FAM168A: variants seen among roughly 807,000 people sequenced by gnomAD.
FAM168A encodes the protein family with sequence similarity 168 member A.
A neutral mutation model predicts 28.5 loss-of-function variants in FAM168A; 3 were observed. That is an observed-to-expected ratio of 0.11 (90% confidence interval 0.05 to 0.27). FAM168A has a LOEUF of 0.27. Ranked by LOEUF, FAM168A falls within the 10% of genes least tolerant of loss-of-function variation. FAM168A has a pLI of 1.00. For synonymous variants in FAM168A, 122 were observed against 124.2 expected (o/e 0.98, Z 0.12); for missense variants, 222 against 311.5 (o/e 0.71, Z 2.16).
intron 1 of FAM168A, chr11:73,510,840 A>G (rs996334621): frequency 5.7e-6 from 2 of 348,684 alleles, no homozygotes; most frequent in Admixed American, 4.8e-5. Context: ...GCCTAATGTA[A>G]TCAGAAACAA....
chr11:73,464,434 G>A (rs930485566), intron 2 of FAM168A, among the ~76,000 whole-genome samples: 1 of 151,874 alleles, frequency 6.6e-6, no homozygotes, highest in Non-Finnish European at 1.5e-5. Context: ...TTTTGTTACT[G>A]TATTTGTAGC....
At chr11:73,557,258 T>C (rs1328467489) in intron 1 of FAM168A, among the ~76,000 whole-genome samples, 2 of 152,174 alleles carry the variant, frequency 1.3e-5, no homozygotes, top group African/African-American at 4.8e-5. Context: ...CAAACACTAT[T>C]ATTCTACTCA....
intron 1 of FAM168A, among the ~76,000 whole-genome samples, chr11:73,563,289 T>G (rs1350551268): frequency 1.3e-5 from 2 of 152,234 alleles, no homozygotes; most frequent in Non-Finnish European, 2.9e-5. Context: ...CTCTCCCGTT[T>G]GTTAGCTAAG....
chr11:73,568,136 T>C (rs1944043713), intron 1 of FAM168A, among the ~76,000 whole-genome samples: 1 of 152,284 alleles, frequency 6.6e-6, no homozygotes, highest in African/African-American at 2.4e-5. Flanking sequence ...TGAGTATATA[T>C]GCACATGCAC....
At chr11:73,586,670 T>C (rs1944316975) in intron 1 of FAM168A, among the ~76,000 whole-genome samples, 1 of 152,234 alleles carries the variant, frequency 6.6e-6, no homozygotes, top group Non-Finnish European at 1.5e-5. Context: ...CTCTGTCCAA[T>C]CACAGTGAAA....
intron 1 of FAM168A, among the ~76,000 whole-genome samples, chr11:73,514,314 C>A (rs917174449): frequency 6.6e-6 from 1 of 152,072 alleles, no homozygotes; most frequent in Admixed American, 6.5e-5. Flanking sequence ...AATATATAAA[C>A]GCACCTGGCA....
intron 1 of FAM168A, among the ~76,000 whole-genome samples, chr11:73,499,701 AAC>A (rs1260822694): frequency 6.6e-6 from 1 of 152,140 alleles, no homozygotes; most frequent in Non-Finnish European, 1.5e-5. Context: ...GGAGCTGAAA[AAC>A]ACAGCACAAG....
chr11:73,574,444 C>G (rs892287641), intron 1 of FAM168A, among the ~76,000 whole-genome samples: 11 of 152,180 alleles, frequency 7.2e-5, no homozygotes, highest in African/African-American at 2.4e-4. Flanking sequence ...AAAAATACAT[C>G]ATCTATCTAA....
rs1182240331 is a variant in FAM168A at position 73,513,691 on chromosome 11, T to C, written c.-18-45199A>G. ...CAGAGTCACCTGACCTGCACTGGAA[T>C]TCATAAGCAAGAATTCAACAAATCG... is the stretch of plus-strand genomic sequence containing the variant. On this transcript the variant is annotated intron_variant, in intron 1 of 7. Transcript: ENST00000356467. Among the ~76,000 whole-genome samples the C allele has an allele frequency of 2.0e-5, 3 of 152,070 alleles. No homozygotes were observed. The East Asian group carries it at 5.8e-4, about 29-fold the overall frequency.
chr11:73,564,104 C>T (rs1321115151), intron 1 of FAM168A, among the ~76,000 whole-genome samples: 3 of 152,180 alleles, frequency 2.0e-5, no homozygotes, highest in Non-Finnish European at 4.4e-5. Flanking sequence ...AGAAGGTCTT[C>T]TATAGCGGCT....
intron 1 of FAM168A, among the ~76,000 whole-genome samples, chr11:73,489,494 C>A (rs1475079867): frequency 1.3e-5 from 2 of 151,206 alleles, no homozygotes; most frequent in African/African-American, 4.9e-5. Context: ...TTCTCTCCCC[C>A]ACACCCCATC....
At chr11:73,508,117 G>A (rs999303462) in intron 1 of FAM168A, among the ~76,000 whole-genome samples, 4 of 152,146 alleles carry the variant, frequency 2.6e-5, no homozygotes, top group African/African-American at 9.7e-5. Flanking sequence ...TACAGCTGAT[G>A]TAAGAGTTAA....
chr11:73,497,037 C>T (rs147498953), intron 1 of FAM168A, among the ~76,000 whole-genome samples: 129 of 152,340 alleles, frequency 8.5e-4, no homozygotes, highest in Non-Finnish European at 1.6e-3. Context: ...AGAAAACACT[C>T]GCTTCAAAAT....
intron 1 of FAM168A, among the ~76,000 whole-genome samples, chr11:73,500,092 T>C (rs1248474446): frequency 6.6e-6 from 1 of 151,982 alleles, no homozygotes; most frequent in Non-Finnish European, 1.5e-5. Flanking sequence ...AAGGTCACAA[T>C]GAAGGAAAAA....
intron 1 of FAM168A, among the ~76,000 whole-genome samples, chr11:73,471,179 A>G (rs752117978): frequency 6.6e-6 from 1 of 152,190 alleles, no homozygotes; most frequent in Non-Finnish European, 1.5e-5. Context: ...TATACTGTAA[A>G]TAGTTTCAGG....
intron 2 of FAM168A, among the ~76,000 whole-genome samples, chr11:73,451,848 GA>G (rs1565251116): frequency 6.6e-6 from 1 of 152,218 alleles, no homozygotes; most frequent in African/African-American, 2.4e-5. Flanking sequence ...AATAGTCCAT[GA>G]GTGTAAGTTA....
intron 1 of FAM168A, among the ~76,000 whole-genome samples, chr11:73,517,661 A>G (rs1489649828): frequency 2.0e-5 from 3 of 152,184 alleles, no homozygotes; most frequent in East Asian, 1.9e-4. Flanking sequence ...GGGAAAAACA[A>G]TAACTCAGAA....
intron 1 of FAM168A, among the ~76,000 whole-genome samples, chr11:73,570,911 G>C (rs1157135733): frequency 6.6e-6 from 1 of 152,102 alleles, no homozygotes. Flanking sequence ...CTTAGTCACT[G>C]TATTATGTTC....
chr11:73,584,912 G>GGATT (rs973088240), intron 1 of FAM168A, among the ~76,000 whole-genome samples: 3 of 152,022 alleles, frequency 2.0e-5, no homozygotes, highest in African/African-American at 7.2e-5. Context: ...AGGCAGCAGA[G>GGATT]GATTGCTTGA....
Sources: gnomAD v4.1 joint callset for allele counts (sites outside exome capture counted in the v4.1 genomes callset) on GRCh38, gnomAD v4.1.1 for gene constraint, MANE v1.5 for transcripts, NCBI Gene and HGNC (gene_info 2026-07-23, HGNC 2026-07-21) for gene names.